The following OARD1 variants were observed in gnomAD, a reference collection of about 807,000 sequenced individuals.
OARD1 encodes O-acyl-ADP-ribose deacylase 1.
A neutral mutation model predicts 19.7 loss-of-function variants in OARD1; 19 were observed. That is an observed-to-expected ratio of 0.96 (90% CI 0.67 to 1.41). The LOEUF (loss-of-function observed/expected upper bound fraction) is 1.41. Among genes scored for constraint, OARD1 ranks in the 40% most tolerant of loss-of-function variants. OARD1 has a pLI of 0.00. For missense variants in OARD1, 190 were observed against 183.8 expected (o/e 1.03, Z -0.20); for synonymous variants, 70 against 61.8 (o/e 1.13, Z -0.62).
At position 41,065,028 on chromosome 6, in the gene OARD1, T is replaced by C. The variant is rs956071119; in HGVS notation, c.*2307A>G. The C allele has an allele frequency of 4.6e-5, 7 of 152,074 alleles. No homozygotes were observed. The highest frequency in any genetic ancestry group is 1.0e-4 in the Non-Finnish European group (7 of 68,012). 9.4% of individuals were successfully genotyped at this position (152,074 alleles called of 1,614,324 possible). On this transcript the variant is annotated 3_prime_UTR_variant, in exon 6 of 6. Coordinates refer to ENST00000424266, the MANE Select transcript of OARD1 (RefSeq NM_001329686.2). ...CCAGGAATAATGTGTTCACTCTGAT[T>C]ACCAGGGCATGCCTCCTTTCCTCAG...
At chr6:41,086,434 T>C (rs1764045574) in intron 1 of OARD1, among the ~76,000 whole-genome samples, 1 of 152,148 alleles carries the variant, frequency 6.6e-6, no homozygotes, top group Non-Finnish European at 1.5e-5. Flanking sequence ...CTGAAAAAAA[T>C]ATATTCTGTT....
chr6:41,085,172 C>A (rs1180214191), intron 1 of OARD1, among the ~76,000 whole-genome samples: 1 of 152,152 alleles, frequency 6.6e-6, no homozygotes, highest in Non-Finnish European at 1.5e-5. Flanking sequence ...ACCTCACTAT[C>A]TGTTAAATAC....
chr6:41,092,298 A>G (rs1217475164), intron 1 of OARD1, among the ~76,000 whole-genome samples: 1 of 152,224 alleles, frequency 6.6e-6, no homozygotes, highest in Non-Finnish European at 1.5e-5. Flanking sequence ...AGGCTAATCC[A>G]GGAGGATGGC....
At chr6:41,074,903 C>T (rs1189773437), upstream of OARD1, among the ~76,000 whole-genome samples, 1 of 152,052 alleles carries the variant, frequency 6.6e-6, no homozygotes, top group East Asian at 1.9e-4. Flanking sequence ...TCATGTGAAT[C>T]ATCTAGTGCA....
At chr6:41,078,638 CAT>C (rs1763809114) in intron 1 of OARD1, among the ~76,000 whole-genome samples, 1 of 152,082 alleles carries the variant, frequency 6.6e-6, no homozygotes, top group Non-Finnish European at 1.5e-5. Context: ...ACCTGAGTAA[CAT>C]GTTTGGTGGG....
At chr6:41,095,937 T>C (rs928401275) in intron 1 of OARD1, among the ~76,000 whole-genome samples, 4 of 152,202 alleles carry the variant, frequency 2.6e-5, no homozygotes, top group African/African-American at 9.7e-5. Context: ...AAGCAATCAG[T>C]GTTTCTTGAA....
At chr6:41,079,025 A>G in intron 1 of OARD1, 1 of 1,447,736 alleles carries the variant, frequency 6.9e-7, no homozygotes, top group Non-Finnish European at 9.6e-7. Context: ...CACCTTTCTA[A>G]CAGGAGTGTA....
At chr6:41,084,193 G>C (rs757669414) in intron 1 of OARD1, 2 of 1,613,600 alleles carry the variant, frequency 1.2e-6, no homozygotes, top group South Asian at 1.1e-5. Flanking sequence ...TTTGCAGCAA[G>C]TGAGTAATAT....
chr6:41,096,173 T>C (rs1397023801), intron 1 of OARD1, among the ~76,000 whole-genome samples: 1 of 152,230 alleles, frequency 6.6e-6, no homozygotes, highest in Non-Finnish European at 1.5e-5. Context: ...TCTCAAACTA[T>C]TTCTGTATAA....
intron 1 of OARD1, among the ~76,000 whole-genome samples, chr6:41,096,881 T>G (rs1035293750): frequency 6.6e-6 from 1 of 152,228 alleles, no homozygotes; most frequent in African/African-American, 2.4e-5. Context: ...ACTTTACCCA[T>G]CTGGCCTTCA....
intron 1 of OARD1, among the ~76,000 whole-genome samples, chr6:41,079,541 C>A (rs1763850836): frequency 1.3e-5 from 2 of 152,144 alleles, no homozygotes; most frequent in Admixed American, 1.3e-4. Flanking sequence ...TCCAATAAAT[C>A]TTCTGTTTTT....
chr6:41,091,824 T>G, intron 1 of OARD1: 1 of 987,162 alleles, frequency 1.0e-6, no homozygotes, highest in East Asian at 2.5e-5. Flanking sequence ...GTAATCTACT[T>G]TGACAATAAC....
At chr6:41,072,777 A>G (rs1054958802), upstream of OARD1, among the ~76,000 whole-genome samples, 1 of 152,204 alleles carries the variant, frequency 6.6e-6, no homozygotes, top group African/African-American at 2.4e-5. Context: ...GCGTCTGGAA[A>G]GCGCCTGCGT....
chr6:41,080,790 T>C (rs1652993271), intron 1 of OARD1: 1 of 1,601,304 alleles, frequency 6.2e-7, no homozygotes, highest in African/African-American at 1.3e-5. Flanking sequence ...TATTTCAAGC[T>C]CTTCCTGTTC....
At chr6:41,079,266 A>G in intron 1 of OARD1, 1 of 1,064,184 alleles carries the variant, frequency 9.4e-7, no homozygotes, top group Non-Finnish European at 1.4e-6. Context: ...GAAAGATACC[A>G]GATCTTGTGA....
chr6:41,071,375 G>T, intron 2 of OARD1, 99 bp from the exon 3 acceptor site: 1 of 1,219,228 alleles, frequency 8.2e-7, no homozygotes, highest in Non-Finnish European at 1.2e-6. Context: ...ACCTCTCCCG[G>T]CACCCCTTCC....
intron 1 of OARD1, among the ~76,000 whole-genome samples, chr6:41,087,911 C>T (rs560560677): frequency 6.6e-6 from 1 of 152,114 alleles, no homozygotes; most frequent in African/African-American, 2.4e-5. Flanking sequence ...GGATAGCACA[C>T]GATCCCTTGC....
chr6:41,084,009 T>TA, intron 1 of OARD1: 2 of 1,555,568 alleles, frequency 1.3e-6, no homozygotes, highest in Middle Eastern at 1.7e-4. Context: ...TTTTGTGTCT[T>TA]ATGTTATTTC....
chr6:41,091,746 A>T (rs1381110972), intron 1 of OARD1: 11 of 1,589,520 alleles, frequency 6.9e-6, no homozygotes, highest in Non-Finnish European at 9.4e-6. Flanking sequence ...TGAACATGCA[A>T]CTTGATGCCT....
Sources: gnomAD v4.1 joint callset for allele counts (sites outside exome capture counted in the v4.1 genomes callset) on GRCh38, gnomAD v4.1.1 for gene constraint, MANE v1.5 for transcripts, NCBI Gene and HGNC (gene_info 2026-07-23, HGNC 2026-07-21) for gene names.